Variants in FBXL4 observed in about 807,000 individuals in gnomAD.
FBXL4 encodes F-box and leucine rich repeat protein 4, also known as F-box/LRR-repeat protein 4.
FBXL4 carries 40 observed loss-of-function variants against 58.9 expected under a neutral mutation model. The observed-to-expected ratio is 0.68, with a 90% confidence interval of 0.53 to 0.88. The LOEUF (loss-of-function observed/expected upper bound fraction) is 0.88, where lower values mean the gene tolerates loss of function less well. Among genes scored for constraint, FBXL4 ranks in the 40% least tolerant of loss-of-function variants. The pLI is 0.00. For missense variants in FBXL4, 676 were observed against 734.4 expected (o/e 0.92, Z 0.92); for synonymous variants, 263 against 265.5 (o/e 0.99, Z 0.09).
chr6:98,913,321 C>T (rs1306835395), intron 5 of FBXL4, among the ~76,000 whole-genome samples: 8 of 152,056 alleles, frequency 5.3e-5, no homozygotes, highest in African/African-American at 9.7e-5. Flanking sequence ...CGGCATCAAG[C>T]GGACCTAATA....
intron 8 of FBXL4, 39 bp downstream of exon 8, chr6:98,880,500 GAAGAAAAAGAGAAC>G: frequency 6.8e-7 from 1 of 1,464,678 alleles, no homozygotes; most frequent in South Asian, 1.1e-5. Flanking sequence ...TCACCCATAG[GAAGAAAAAGAGAAC>G]AAGTAATTGA....
At chr6:98,936,027 T>G (rs1431826539) in intron 1 of FBXL4, among the ~76,000 whole-genome samples, 3 of 152,198 alleles carry the variant, frequency 2.0e-5, no homozygotes, top group African/African-American at 7.2e-5. Flanking sequence ...TATATTTTTG[T>G]ACATTAACAT....
chr6:98,929,016 G>A (rs1010454327), intron 2 of FBXL4, among the ~76,000 whole-genome samples: 2 of 152,166 alleles, frequency 1.3e-5, no homozygotes, highest in Admixed American at 1.3e-4. Context: ...GTCTCTTGAA[G>A]GAGGGAATCT....
At chr6:98,884,972 G>A (rs9402255) in intron 7 of FBXL4, among the ~76,000 whole-genome samples, 24,260 of 152,082 alleles carry the variant, frequency 0.16, 2,329 homozygotes, top group East Asian at 0.47. Flanking sequence ...TTAACTTAGC[G>A]ACTCACTTTT....
intron 7 of FBXL4, among the ~76,000 whole-genome samples, chr6:98,892,037 C>A (rs961672452): frequency 1.3e-5 from 2 of 152,130 alleles, no homozygotes; most frequent in African/African-American, 4.8e-5. Flanking sequence ...CACCAAGTCA[C>A]CTATTCCCAT....
Position 98,874,391 on chromosome 6 carries a change from T to C in FBXL4, c.1753A>G (p.Lys585Glu). ...GACACATCAAGTAAAGAAAGATCTT[T>C]ACAAGATTCCAGGAGTTTTCTTAAG... Reference protein sequence around the residue: ...ASLRKLLESCKDLSLLDVSFC... With the variant: ...ASLRKLLESCEDLSLLDVSFC... Residue 585 changes from lysine to glutamate, a missense_variant, in exon 10 of 10, where the codon AAA (lysine) becomes GAA (glutamate). Transcript: ENST00000369244. 6.2e-7 allele frequency: 1 copy of C among 1,613,242 alleles called. No homozygotes were observed. Among genetic ancestry groups the C allele is most frequent in the Non-Finnish European group, 8.5e-7 (1 of 1,179,684 alleles).
At chr6:98,889,642 C>T (rs1172557898) in intron 7 of FBXL4, among the ~76,000 whole-genome samples, 1 of 146,014 alleles carries the variant, frequency 6.8e-6, no homozygotes, top group Non-Finnish European at 1.5e-5. Flanking sequence ...GATCACACCA[C>T]TGCTCTAGCC....
intron 7 of FBXL4, among the ~76,000 whole-genome samples, chr6:98,893,874 GAGTC>G (rs1771320616): frequency 6.6e-6 from 1 of 151,556 alleles, no homozygotes; most frequent in South Asian, 2.1e-4. Context: ...TCAATTTAAT[GAGTC>G]AGATTTATTT....
chr6:98,913,447 G>A (rs1251194028), intron 5 of FBXL4, among the ~76,000 whole-genome samples: 1 of 152,068 alleles, frequency 6.6e-6, no homozygotes, highest in African/African-American at 2.4e-5. Flanking sequence ...CACAGCAAAT[G>A]TAAAAGAACA....
At chr6:98,928,505 G>A (rs1297856866) in intron 2 of FBXL4, among the ~76,000 whole-genome samples, 1 of 151,698 alleles carries the variant, frequency 6.6e-6, no homozygotes, top group Non-Finnish European at 1.5e-5. Context: ...ATTTTTTGTA[G>A]TTTTAGTAGA....
intron 4 of FBXL4, among the ~76,000 whole-genome samples, chr6:98,920,543 G>GA (rs909292291): frequency 7.4e-5 from 11 of 148,542 alleles, no homozygotes; most frequent in East Asian, 5.9e-4. Flanking sequence ...AAAGTAACAA[G>GA]AAAAAAAAAG....
chr6:98,932,729 GAAAGAACCTGAAA>G (rs1430715423), intron 2 of FBXL4, among the ~76,000 whole-genome samples: 1 of 152,114 alleles, frequency 6.6e-6, no homozygotes, highest in East Asian at 1.9e-4. Context: ...ACAGTGAGAT[GAAAGAACCTGAAA>G]ACAAGTTTAA....
chr6:98,912,812 A>G (rs1254943931), intron 5 of FBXL4, among the ~76,000 whole-genome samples: 1 of 152,064 alleles, frequency 6.6e-6, no homozygotes, highest in Non-Finnish European at 1.5e-5. Context: ...ACAGGATCAA[A>G]TTCACACCTA....
intron 7 of FBXL4, among the ~76,000 whole-genome samples, chr6:98,882,104 A>G (rs1770874673): frequency 6.6e-6 from 1 of 152,140 alleles, no homozygotes; most frequent in Non-Finnish European, 1.5e-5. Flanking sequence ...ACACACATAC[A>G]TATAATTCAC....
chr6:98,904,435 T>C (rs1771722864), intron 6 of FBXL4, among the ~76,000 whole-genome samples: 1 of 152,218 alleles, frequency 6.6e-6, no homozygotes. Context: ...ACATTGTTAC[T>C]ATTTCAAACA....
chr6:98,929,431 C>T lies in FBXL4; in HGVS notation c.-190-1609G>A, dbSNP rs148019809. On this transcript the variant is annotated intron_variant, in intron 2 of 9. Transcript: ENST00000369244. Reference sequence around the variant, plus strand: ...TACTAAAAATATAAAATTAGCCAGGCATGGTGGCACATGACTGTAATCCCA... The same window carrying T: ...TACTAAAAATATAAAATTAGCCAGGTATGGTGGCACATGACTGTAATCCCA... Among the ~76,000 whole-genome samples, 103 of 152,050 alleles carry T rather than the reference C, an allele frequency of 6.8e-4. 3 individuals carry two copies. In the East Asian group the frequency reaches 0.016, roughly 23 times the overall value.
intron 5 of FBXL4, among the ~76,000 whole-genome samples, chr6:98,908,307 C>T (rs546401349): frequency 2.0e-5 from 3 of 152,296 alleles, no homozygotes; most frequent in East Asian, 3.9e-4. Context: ...ATACACCATT[C>T]AGCAACTTGC....
chr6:98,920,079 T>C (rs1346522071), intron 4 of FBXL4, among the ~76,000 whole-genome samples: 1 of 152,144 alleles, frequency 6.6e-6, no homozygotes, highest in Non-Finnish European at 1.5e-5. Context: ...TAAATAAATA[T>C]GCACACAATA....
intron 2 of FBXL4, among the ~76,000 whole-genome samples, chr6:98,928,174 C>T (rs1772863735): frequency 6.6e-6 from 1 of 152,174 alleles, no homozygotes. Flanking sequence ...TGGCCACTCT[C>T]GTTCCCAGCC....
Sources: allele counts gnomAD v4.1 joint callset (sites outside exome capture counted in the v4.1 genomes callset), GRCh38; gene constraint gnomAD v4.1.1; transcripts MANE v1.5; gene names NCBI Gene and HGNC (gene_info 2026-07-23, HGNC 2026-07-21).